The following DSEL variants were observed in gnomAD, a reference collection of about 807,000 sequenced individuals.
DSEL encodes dermatan sulfate epimerase like, also known as dermatan-sulfate epimerase-like protein.
A neutral mutation model predicts 96.6 loss-of-function variants in DSEL; 61 were observed. That is an observed-to-expected ratio of 0.63 (90% CI 0.51 to 0.78). The LOEUF (loss-of-function observed/expected upper bound fraction) is 0.78, where lower values mean the gene tolerates loss of function less well. Ranked by LOEUF, DSEL falls within the 30% of genes least tolerant of loss-of-function variation. The probability of loss-of-function intolerance (pLI) is 0.00; values close to 1 mark genes in which losing one functional copy is unlikely to be tolerated. For synonymous variants in DSEL, 514 were observed against 502.0 expected (o/e 1.02, Z -0.32); for missense variants, 1,320 against 1,430.8 (o/e 0.92, Z 1.25).
At position 67,513,327 on chromosome 18, in the gene DSEL, G is replaced by C. The variant is rs1382027130; in HGVS notation, c.1282C>G (p.Gln428Glu). 1 of 1,614,056 alleles carries C rather than the reference G, an allele frequency of 6.2e-7. No homozygotes were observed. The highest frequency in any genetic ancestry group is 1.3e-5 in the African/African-American group (1 of 74,908). Residue 428 changes from glutamine to glutamate, a missense_variant, in exon 2 of 2, where the codon CAG (glutamine) becomes GAG (glutamate). By Grantham distance (29) the Gln-to-Glu change is conservative. Around this residue, in one of 3 missense-constraint regions of DSEL, gnomAD observed 986 missense variants for 1,066.4 expected, o/e 0.92. Transcript: ENST00000310045. ...VTYGAGLPNT[Q>E]TNTFVSFKSG... ...TTAAAAGACACAAAGGTGTTGGTCT[G>C]TGTGTTTGGCAACCCAGCCCCATAA...
In DSEL at chr18:67,514,035, G is replaced by C; in HGVS notation, c.574C>G (p.Arg192Gly). 1 of 1,613,958 alleles carries C rather than the reference G, an allele frequency of 6.2e-7. No homozygotes were observed. The highest frequency in any genetic ancestry group is 8.5e-7 in the Non-Finnish European group (1 of 1,179,976). ...ATTTTTTCCAGGTATTTTTGTCTTC[G>C]ATGATTATCTAATAAGTTATATAAA... Reference protein sequence around the residue: ...DFLYNLLDNHRRQKYLEKIWV... With the variant: ...DFLYNLLDNHGRQKYLEKIWV... The change falls in exon 2 of 2, where the codon CGA becomes GGA. Residue 192 changes from arginine (R) to glycine (G), a missense_variant. Arg to Gly is a moderately radical substitution (Grantham distance 125, BLOSUM62 -2). Around this residue, in one of 3 missense-constraint regions of DSEL, gnomAD observed 323 missense variants for 333.1 expected, o/e 0.97. Coordinates refer to ENST00000310045, the MANE Select transcript of DSEL (RefSeq NM_032160.3).
chr18:67,512,536 G>T lies in DSEL; in HGVS notation c.2073C>A (p.Ser691Arg), dbSNP rs761102949. The change falls in exon 2 of 2, where the codon AGC becomes AGA. Residue 691 changes from serine to arginine, a missense_variant. Around this residue, in one of 3 missense-constraint regions of DSEL, gnomAD observed 986 missense variants for 1,066.4 expected, o/e 0.92. Coordinates refer to ENST00000310045, the MANE Select transcript of DSEL (RefSeq NM_032160.3). Reference protein sequence around the residue: ...VFYGPYINVSSCRFIDSSNPG... With the variant: ...VFYGPYINVSRCRFIDSSNPG... ...GATTGGAACTATCAATAAATCTGCAGCTGGAGACATTGATATATGGCCCAT... is the reference window on the plus strand; with the variant it reads ...GATTGGAACTATCAATAAATCTGCATCTGGAGACATTGATATATGGCCCAT... 1 of 1,614,098 alleles carries T rather than the reference G, an allele frequency of 6.2e-7. No individual in the cohort carries two copies. The highest frequency in any genetic ancestry group is 8.5e-7 in the Non-Finnish European group (1 of 1,179,958).
chr18:67,511,752 T>C lies in DSEL; in HGVS notation c.2857A>G (p.Met953Val). The change falls in exon 2 of 2, where the codon ATG becomes GTG. Residue 953 changes from methionine to valine, a missense_variant. By Grantham distance (21) the Met-to-Val change is conservative (BLOSUM62 1). Around this residue, in one of 3 missense-constraint regions of DSEL, gnomAD observed 986 missense variants for 1,066.4 expected, o/e 0.92. Coordinates refer to ENST00000310045, the MANE Select transcript of DSEL (RefSeq NM_032160.3). ...NRGKLAQYFAMNKDKKRKFKR... is the reference protein window; with the variant it reads ...NRGKLAQYFAVNKDKKRKFKR... ...AATTTTCTTTTTTTGTCCTTATTCA[T>C]TGCAAAATATTGGGCCAGTTTACCC... 3 of 1,614,180 alleles carry C rather than the reference T, an allele frequency of 1.9e-6. No individual in the cohort carries two copies. The highest frequency in any genetic ancestry group is 1.1e-5 in the South Asian group (1 of 91,080).
Position 67,513,290 on chromosome 18 carries a change from A to C in DSEL, c.1319T>G (p.Leu440Arg). The change falls in exon 2 of 2, where the codon CTG becomes CGG. Residue 440 changes from leucine (L) to arginine (R), a missense_variant. Coordinates refer to ENST00000310045, the MANE Select transcript of DSEL (RefSeq NM_032160.3). ...TATGTCATACACAGCTCGTCCCCCC[A>C]GCTTCCCAGATTTAAAAGACACAAA... The part of the protein sequence containing the change: ...NTFVSFKSGK[L>R]GGRAVYDIVH... 6.2e-7 allele frequency: 1 copy of C among 1,614,188 alleles called. No homozygotes were observed. Among genetic ancestry groups the C allele is most frequent in the Non-Finnish European group, 8.5e-7 (1 of 1,180,026 alleles).
intron 1 of DSEL, among the ~76,000 whole-genome samples, 185 bp from the exon 2 acceptor site, chr18:67,515,677 T>C (rs1020851424): frequency 6.6e-6 from 1 of 152,188 alleles, no homozygotes; most frequent in Admixed American, 6.5e-5. Context: ...CACGCACTTA[T>C]TTGGAAACCA....
chr18:67,510,885 AAAG>A lies in DSEL; in HGVS notation c.*82_*84del, dbSNP rs1374036399. 6.8e-5 allele frequency: 69 copies of A among 1,016,400 alleles called. No individual in the cohort carries two copies. The highest frequency in any genetic ancestry group is 9.8e-5 in the Non-Finnish European group (68 of 697,294). 63.0% of individuals were successfully genotyped at this position (1,016,400 alleles called of 1,614,324 possible). A position where few individuals can be genotyped will look rare whatever the true frequency, so the allele number is the denominator to read the frequency against. On this transcript the variant is annotated 3_prime_UTR_variant, in exon 2 of 2. Transcript: ENST00000310045. ...ACGCGTGCACACACACACACACACT[AAAG>A]AATAAACAAACTCTTCTGATTCATA...
In DSEL at chr18:67,512,571, A is replaced by G; in HGVS notation, c.2038T>C (p.Tyr680His). The G allele has an allele frequency of 6.2e-7, 1 of 1,614,196 alleles. No homozygotes were observed. The highest frequency in any genetic ancestry group is 1.3e-5 in the African/African-American group (1 of 75,068). Residue 680 changes from tyrosine to histidine, a missense_variant, in exon 2 of 2, where the codon TAT (tyrosine) becomes CAT (histidine). Physicochemically the swap from Tyr to His is moderately conservative, Grantham distance 83. Transcript: ENST00000310045. ...TTGATATATGGCCCATAAAAGACAT[A>G]TGCAATTCTTGTGATTGTGGGTTCC... ...QMEPTITRIAYVFYGPYINVS... is the reference protein window; with the variant it reads ...QMEPTITRIAHVFYGPYINVS...
chr18:67,512,685 T>C lies in DSEL; in HGVS notation c.1924A>G (p.Asn642Asp), dbSNP rs764225113. The C allele has an allele frequency of 6.2e-6, 10 of 1,614,072 alleles. No homozygotes were observed. Among genetic ancestry groups the C allele is most frequent in the Non-Finnish European group, 7.6e-6 (9 of 1,180,044 alleles). Residue 642 changes from asparagine (N) to aspartate (D), a missense_variant, in exon 2 of 2, where the codon AAT becomes GAT. By Grantham distance (23) the Asn-to-Asp change is conservative. Around this residue, in one of 3 missense-constraint regions of DSEL, gnomAD observed 986 missense variants for 1,066.4 expected, o/e 0.92. Transcript: ENST00000310045. ...TCCTGTATACTGGCCATGGGACTATTGCCATGATGATCAAACCAAAACATT... is the reference window on the plus strand; with the variant it reads ...TCCTGTATACTGGCCATGGGACTATCGCCATGATGATCAAACCAAAACATT... Reference protein sequence around the residue: ...YKMFWFDHHGNSPMASIQEAE... With the variant: ...YKMFWFDHHGDSPMASIQEAE...
In DSEL at chr18:67,510,895, CAA is replaced by C; in HGVS notation, c.*73_*74del. 2 of 1,274,142 alleles carry C rather than the reference CAA, an allele frequency of 1.6e-6. No individual in the cohort carries two copies. Among genetic ancestry groups the C allele is most frequent in the South Asian group, 2.9e-5 (2 of 67,916 alleles). 78.9% of individuals were successfully genotyped at this position (1,274,142 alleles called of 1,614,324 possible). On this transcript the variant is annotated 3_prime_UTR_variant, in exon 2 of 2. Coordinates refer to ENST00000310045, the MANE Select transcript of DSEL (RefSeq NM_032160.3). ...ACACACACACACACTAAAGAATAAA[CAA>C]ACTCTTCTGATTCATATCCACAAAG...
Position 67,513,548 on chromosome 18 carries a change from T to C in DSEL, c.1061A>G (p.Asn354Ser). The change falls in exon 2 of 2, where the codon AAT (asparagine) becomes AGT (serine). Residue 354 changes from asparagine (N) to serine (S), a missense_variant. Physicochemically the swap from Asn to Ser is conservative, Grantham distance 46. This residue lies in a region of DSEL where 986 missense variants were observed against 1,066.4 expected (regional missense o/e 0.92). Coordinates refer to ENST00000310045, the MANE Select transcript of DSEL (RefSeq NM_032160.3). ...CTGAGCTAACCAATTTCCAGCTCCA[T>C]TCTTTAAGATGAACTTATCCAAGAA... ...LVFLDKFILK[N>S]GAGNWLAQQI... 1.9e-6 allele frequency: 3 copies of C among 1,614,200 alleles called. No individual in the cohort carries two copies. Among genetic ancestry groups the C allele is most frequent in the Non-Finnish European group, 2.5e-6 (3 of 1,180,036 alleles).
Position 67,512,305 on chromosome 18 carries a change from A to G in DSEL, c.2304T>C (p.Phe768=). The change falls in exon 2 of 2, where the codon TTT becomes TTC. Residue 768 remains phenylalanine (F), a synonymous_variant. Coordinates refer to ENST00000310045, the MANE Select transcript of DSEL (RefSeq NM_032160.3). The stretch of plus-strand genomic sequence containing the variant: ...CAACTGCTATATTAAATTTAAATCC[A>G]AAGGGGAAAATAATCCTATCATGTC... ...PVRHDRIIFP[F]GFKFNIAVGL... The G allele has an allele frequency of 6.2e-7, 1 of 1,614,222 alleles. No individual in the cohort carries two copies.
chr18:67,513,995 T>G lies in DSEL; in HGVS notation c.614A>C (p.Glu205Ala). 1 of 1,614,198 alleles carries G rather than the reference T, an allele frequency of 6.2e-7. No individual in the cohort carries two copies. Among genetic ancestry groups the G allele is most frequent in the Non-Finnish European group, 8.5e-7 (1 of 1,180,036 alleles). Residue 205 changes from glutamate to alanine, a missense_variant, in exon 2 of 2, where the codon GAG becomes GCG. By Grantham distance (107) the Glu-to-Ala change is moderately radical. Transcript: ENST00000310045. ...KYLEKIWVIT[E>A]EMYEYSKVRS... ...GACCTTGGAATACTCGTACATTTCC[T>G]CAGTAATAACCCATATTTTTTCCAG...
At position 67,513,961 on chromosome 18, in the gene DSEL, C is replaced by G; in HGVS notation, c.648G>C (p.Trp216Cys). The G allele has an allele frequency of 1.2e-6, 2 of 1,614,150 alleles. No individual in the cohort carries two copies. Among genetic ancestry groups the G allele is most frequent in the Non-Finnish European group, 1.7e-6 (2 of 1,180,026 alleles). The change falls in exon 2 of 2, where the codon TGG becomes TGC. Residue 216 changes from tryptophan (W) to cysteine (C), a missense_variant. Trp to Cys is a radical substitution (Grantham distance 215, BLOSUM62 -2). Around this residue, in one of 3 missense-constraint regions of DSEL, gnomAD observed 323 missense variants for 333.1 expected, o/e 0.97. Transcript: ENST00000310045. ...EMYEYSKVRS[W>C]GKQLLHNHQA... is the part of the protein sequence containing the mutation. Reference sequence around the variant, plus strand: ...GGTGGTTATGGAGAAGCTGTTTGCCCCATGAGCGGACCTTGGAATACTCGT... The same window carrying G: ...GGTGGTTATGGAGAAGCTGTTTGCCGCATGAGCGGACCTTGGAATACTCGT...
Position 67,507,539 on chromosome 18 carries a change from T to A in DSEL, c.*3431A>T, listed in dbSNP as rs548898284. ...TATTTACTCACTTAAAATTGTGATA[T>A]ACTTTGTATACCAAGAATGCCAAAG... On this transcript the variant is annotated 3_prime_UTR_variant, in exon 2 of 2. Transcript: ENST00000310045. 1 of 152,314 alleles carries A rather than the reference T, an allele frequency of 6.6e-6. No homozygotes were observed. Among genetic ancestry groups the A allele is most frequent in the South Asian group, 2.1e-4 (1 of 4,824 alleles). 9.4% of individuals were successfully genotyped at this position (152,314 alleles called of 1,614,324 possible).
Position 67,512,669 on chromosome 18 carries a change from C to A in DSEL, c.1940G>T (p.Ser647Ile). The change falls in exon 2 of 2, where the codon AGT becomes ATT. Residue 647 changes from serine (S) to isoleucine (I), a missense_variant. Ser to Ile is a moderately radical substitution (Grantham distance 142, BLOSUM62 -2). This residue lies in a region of DSEL where 986 missense variants were observed against 1,066.4 expected (regional missense o/e 0.92). Coordinates refer to ENST00000310045, the MANE Select transcript of DSEL (RefSeq NM_032160.3). ...AGCAGCTTGCTCTGCTTCCTGTATA[C>A]TGGCCATGGGACTATTGCCATGATG... is the stretch of plus-strand genomic sequence containing the variant. ...FDHHGNSPMA[S>I]IQEAEQAAEF... is the part of the protein sequence containing the mutation. The A allele has an allele frequency of 6.2e-7, 1 of 1,614,172 alleles. No individual in the cohort carries two copies. The highest frequency in any genetic ancestry group is 1.1e-5 in the South Asian group (1 of 91,082).
chr18:67,511,799 A>C lies in DSEL; in HGVS notation c.2810T>G (p.Ile937Ser). The C allele has an allele frequency of 6.2e-7, 1 of 1,614,116 alleles. No homozygotes were observed. Among genetic ancestry groups the C allele is most frequent in the South Asian group, 1.1e-5 (1 of 91,078 alleles). Residue 937 changes from isoleucine to serine, a missense_variant, in exon 2 of 2, where the codon ATC becomes AGC. Transcript: ENST00000310045. ...VQDTKLHLQN[I>S]HLHEPNRGKL... The stretch of plus-strand genomic sequence containing the variant: ...ACCCCTATTGGGTTCATGCAGATGG[A>C]TGTTTTGCAAATGTAATTTTGTGTC...
In DSEL at chr18:67,513,466, C is replaced by T. The variant is rs760283634; in HGVS notation, c.1143G>A (p.Arg381=). ...DGPMVPSTAQ[R]WSTLHTEYIW... ...TGTATTCAGTGTGAAGAGTACTCCACCTTTGGGCAGTTGAAGGAACCATCG... is the reference window on the plus strand; with the variant it reads ...TGTATTCAGTGTGAAGAGTACTCCATCTTTGGGCAGTTGAAGGAACCATCG... Residue 381 remains arginine (R), a synonymous_variant, in exon 2 of 2, where the codon AGG becomes AGA. Coordinates refer to ENST00000310045, the MANE Select transcript of DSEL (RefSeq NM_032160.3). 5 of 1,614,046 alleles carry T rather than the reference C, an allele frequency of 3.1e-6. No individual in the cohort carries two copies. Among genetic ancestry groups the T allele is most frequent in the Admixed American group, 3.3e-5 (2 of 60,002 alleles).
rs2089419342 is a variant in DSEL at position 67,507,908 on chromosome 18, T to C, written c.*3062A>G. ...TTTTCCTATTTCCTCTGAGTTTTCA[T>C]TAAATTCAACTCTGAATATGGCCTT... On this transcript the variant is annotated 3_prime_UTR_variant, in exon 2 of 2. Transcript: ENST00000310045. 1 of 152,340 alleles carries C rather than the reference T, an allele frequency of 6.6e-6. No individual in the cohort carries two copies. The highest frequency in any genetic ancestry group is 1.9e-4 in the East Asian group (1 of 5,182). The allele number at this position is 152,340 out of a possible 1,614,324, so 9.4% of individuals were successfully genotyped here.
Position 67,516,138 on chromosome 18 carries a change from C to T in DSEL, c.-885+223G>A, listed in dbSNP as rs8084024. Among the ~76,000 whole-genome samples, 2,555 of 152,234 alleles carry T rather than the reference C, an allele frequency of 0.017. 92 individuals carry two copies. The highest frequency in any genetic ancestry group is 0.057 in the African/African-American group (2,385 of 41,538). On this transcript the variant is annotated intron_variant, in intron 1 of 1. Coordinates refer to ENST00000310045, the MANE Select transcript of DSEL (RefSeq NM_032160.3). This position sits in a 1 kb window ranked among gnomAD's most constrained non-coding sequence, Gnocchi z 5.6. ...CTCGGACCCCGGTGTCGAAAGACGC[C>T]TCTCCGTGCCCGTCCGCGGCTGGAA...
Sources: allele counts gnomAD v4.1 joint callset (sites outside exome capture counted in the v4.1 genomes callset), GRCh38; gene constraint gnomAD v4.1.1; regional missense constraint gnomAD v4.1.1; non-coding constraint Gnocchi (gnomAD v3.1); transcripts MANE v1.5; gene names NCBI Gene and HGNC (gene_info 2026-07-23, HGNC 2026-07-21).